Variants in HAUS7 observed in about 807,000 individuals in gnomAD.
HAUS7 encodes the protein HAUS augmin-like complex subunit 7.
A neutral mutation model predicts 28.4 loss-of-function variants in HAUS7; 3 were observed. The observed-to-expected ratio is 0.11, with a 90% CI of 0.05 to 0.27. The LOEUF is 0.27. HAUS7 is among the 10% of genes least tolerant of loss of function. The probability of loss-of-function intolerance (pLI) is 1.00; values close to 1 mark genes in which losing one functional copy is unlikely to be tolerated. For synonymous variants in HAUS7, 165 were observed against 132.1 expected, an observed-to-expected ratio of 1.25 and a Z score of -1.71; for missense variants, 284 against 297.3, an observed-to-expected ratio of 0.96 and a Z score of 0.33.
chrX:153,467,113 C>A (rs2089463776), intron 2 of HAUS7, among the ~76,000 whole-genome samples: 1 of 111,125 alleles, frequency 9.0e-6, no homozygotes, highest in Non-Finnish European at 1.9e-5. Flanking sequence ...CCACAAGAGC[C>A]TCCTCCTGGG....
intron 1 of HAUS7, among the ~76,000 whole-genome samples, chrX:153,482,136 G>T (rs1000995756): frequency 6.2e-5 from 7 of 112,306 alleles, no homozygotes; most frequent in Non-Finnish European, 1.1e-4. Flanking sequence ...AGCAGCACAG[G>T]CTTGCAGGCC....
chrX:153,481,504 G>A (rs1443659010), intron 1 of HAUS7: 4 of 755,109 alleles, frequency 5.3e-6, no homozygotes, highest in Non-Finnish European at 4.7e-6. Context: ...GCACAGGCAC[G>A]CAGACCTGGG....
intron 1 of HAUS7, among the ~76,000 whole-genome samples, chrX:153,477,265 T>C (rs1435983848): frequency 8.8e-6 from 1 of 113,426 alleles, no homozygotes; most frequent in Non-Finnish European, 1.9e-5. Context: ...GATGGCAGGA[T>C]GTTTAGTCAG....
At chrX:153,476,757 A>G (rs1481001031) in intron 1 of HAUS7, among the ~76,000 whole-genome samples, 1 of 111,143 alleles carries the variant, frequency 9.0e-6, no homozygotes, top group Non-Finnish European at 1.9e-5. Context: ...CTTTCCAGCA[A>G]CCCTCGGGCT....
At chrX:153,491,779 G>A (rs948880193) in intron 1 of HAUS7, among the ~76,000 whole-genome samples, 1 of 113,061 alleles carries the variant, frequency 8.8e-6, no homozygotes, top group Non-Finnish European at 1.9e-5. Flanking sequence ...CCCTCCCCAC[G>A]CAGCTGAGGG....
chrX:153,481,315 G>T (rs782060113), intron 1 of HAUS7: 4 of 723,789 alleles, frequency 5.5e-6, no homozygotes, highest in Admixed American at 9.2e-5. Context: ...CCTCAGTAGG[G>T]CCCCTGTTGC....
At chrX:153,487,080 T>C (rs961848680) in intron 1 of HAUS7, 10 of 248,609 alleles carry the variant, frequency 4.0e-5, no homozygotes, top group Admixed American at 3.9e-4. Context: ...CTACGCTGCA[T>C]GTCCTGGCTC....
rs782755741 is a variant in HAUS7 at position 153,447,772 on chromosome X, C to T, written c.*106G>A. On this transcript the variant is annotated 3_prime_UTR_variant, in exon 10 of 10. Coordinates refer to ENST00000370211, the MANE Select transcript of HAUS7 (RefSeq NM_001385482.1). ...CCTAGAGCACAACGTGGGGCTGCAACGGCTTCTGCTGCCACAATCATCCAT... is the reference window on the plus strand; with the variant it reads ...CCTAGAGCACAACGTGGGGCTGCAATGGCTTCTGCTGCCACAATCATCCAT... 8 of 679,424 alleles carry T rather than the reference C, an allele frequency of 1.2e-5. No homozygotes were observed. Among genetic ancestry groups the T allele is most frequent in the South Asian group, 4.3e-5 (2 of 46,988 alleles). 56.0% of individuals were successfully genotyped at this position (679,424 alleles called of 1,213,427 possible). A position where few individuals can be genotyped will look rare whatever the true frequency, so the allele number is the denominator to read the frequency against.
intron 4 of HAUS7, among the ~76,000 whole-genome samples, chrX:153,460,537 T>C (rs1158136297): frequency 9.2e-6 from 1 of 109,031 alleles, no homozygotes; most frequent in Non-Finnish European, 1.9e-5. Flanking sequence ...AGGTGATGTG[T>C]ATTTTACCAT....
At position 153,470,574 on chromosome X, in the gene HAUS7, C is replaced by T. The variant is rs1556985025; in HGVS notation, c.-17G>A. 9 of 1,205,266 alleles carry T rather than the reference C, an allele frequency of 7.5e-6. No individual in the cohort carries two copies. The South Asian group carries it at 1.1e-4, about 14-fold the overall frequency. ...CCCCGCCATGTTTCGCGCTCCGAGC[C>T]GCGCCCCGCCCATGCCCTGGCTTCA... On this transcript the variant is annotated 5_prime_UTR_variant, in exon 1 of 10. Transcript: ENST00000370211.
chrX:153,466,951 G>GC (rs781976493), intron 2 of HAUS7, among the ~76,000 whole-genome samples: 1 of 111,678 alleles, frequency 9.0e-6, no homozygotes, highest in Non-Finnish European at 1.9e-5. Context: ...AACACTTCTG[G>GC]CCCCCAGACA....
At chrX:153,457,303 G>A in intron 4 of HAUS7, 75 bp from the exon 5 acceptor site, 3 of 648,773 alleles carry the variant, frequency 4.6e-6, no homozygotes, top group Non-Finnish European at 5.0e-6. Context: ...CAGTGCCCCT[G>A]CCCCCACATG....
At chrX:153,492,635 C>T (rs1299792546) in intron 1 of HAUS7, among the ~76,000 whole-genome samples, 1 of 111,623 alleles carries the variant, frequency 9.0e-6, no homozygotes, top group Non-Finnish European at 1.9e-5. Flanking sequence ...TCGCCACTTC[C>T]AAGCCCCCAT....
At chrX:153,457,100 C>T (rs946225729) in intron 5 of HAUS7, 37 bp downstream of exon 5, 2 of 904,868 alleles carry the variant, frequency 2.2e-6, no homozygotes, top group Non-Finnish European at 3.2e-6. Flanking sequence ...AAGAGAAGCC[C>T]GTCAATACTG....
At chrX:153,487,512 A>G (rs1431733630) in intron 1 of HAUS7, among the ~76,000 whole-genome samples, 1 of 111,380 alleles carries the variant, frequency 9.0e-6, no homozygotes, top group Non-Finnish European at 1.9e-5. Flanking sequence ...CCCTCATCCC[A>G]GCCCCCAACA....
At chrX:153,447,938 G>A (rs369269514) in intron 9 of HAUS7, 29 bp from the exon 10 acceptor site, 104 of 1,144,683 alleles carry the variant, frequency 9.1e-5, no homozygotes, top group Non-Finnish European at 1.2e-4. Flanking sequence ...AAACCAAAAG[G>A]ATGGTGGGAG....
chrX:153,475,477 T>C (rs2089556914), upstream of HAUS7, among the ~76,000 whole-genome samples: 1 of 111,807 alleles, frequency 8.9e-6, no homozygotes, highest in Non-Finnish European at 1.9e-5. Flanking sequence ...AGTCATTTAA[T>C]TGGGACCAGA....
At chrX:153,494,509 C>G (rs1269909988) in intron 1 of HAUS7, among the ~76,000 whole-genome samples, 1 of 112,270 alleles carries the variant, frequency 8.9e-6, no homozygotes, top group Non-Finnish European at 1.9e-5. Flanking sequence ...TGCTTAGGCC[C>G]AAGCAGGTTC....
upstream of HAUS7, chrX:153,471,087 T>A (rs1188738723): frequency 3.3e-6 from 1 of 303,514 alleles, no homozygotes; most frequent in Non-Finnish European, 6.6e-6. Flanking sequence ...AGAATGGAAC[T>A]CGGACTGAAG....
Sources: gnomAD v4.1 joint callset for allele counts (sites outside exome capture counted in the v4.1 genomes callset) on GRCh38, gnomAD v4.1.1 for gene constraint, MANE v1.5 for transcripts, NCBI Gene and HGNC (gene_info 2026-07-23, HGNC 2026-07-21) for gene names.